LARGE1: variants seen among roughly 807,000 people sequenced by gnomAD.
The protein encoded by LARGE1 is xylosyl- and glucuronyltransferase LARGE1.
LARGE1 carries 43 observed loss-of-function variants against 87.6 expected under a neutral mutation model. The observed-to-expected ratio is 0.49, with a 90% CI of 0.38 to 0.63. LARGE1 has a LOEUF of 0.63. Ranked by LOEUF, LARGE1 falls within the 30% of genes least tolerant of loss-of-function variation. The pLI is 0.00. For missense variants in LARGE1, 802 were observed against 1,000.2 expected, an observed-to-expected ratio of 0.80 and a Z score of 2.67; for synonymous variants, 434 against 394.6, an observed-to-expected ratio of 1.10 and a Z score of -1.18.
At chr22:33,298,111 T>A (rs972863061) in intron 12 of LARGE1, among the ~76,000 whole-genome samples, 2 of 152,074 alleles carry the variant, frequency 1.3e-5, no homozygotes, top group Non-Finnish European at 2.9e-5. Flanking sequence ...AATGCCACGA[T>A]GTCTCACGTC....
intron 12 of LARGE1, among the ~76,000 whole-genome samples, chr22:33,302,046 G>T (rs536142623): frequency 6.6e-6 from 1 of 152,212 alleles, no homozygotes; most frequent in Admixed American, 6.5e-5. Context: ...AGGGGTGGAG[G>T]GTGGGCAGGG....
chr22:33,752,499 A>G (rs1358096977), intron 2 of LARGE1, among the ~76,000 whole-genome samples: 2 of 152,238 alleles, frequency 1.3e-5, no homozygotes, highest in Non-Finnish European at 2.9e-5. Flanking sequence ...TCAGTTACTG[A>G]TTAAACACCT....
chr22:33,653,401 G>A (rs558796300), intron 2 of LARGE1, among the ~76,000 whole-genome samples: 2 of 152,176 alleles, frequency 1.3e-5, no homozygotes, highest in East Asian at 1.9e-4. Context: ...AGGTAAAGAC[G>A]CTCAGGAGAC....
intron 6 of LARGE1, chr22:33,563,341 T>G (rs1362849220): frequency 6.6e-6 from 1 of 152,118 alleles, no homozygotes; most frequent in Non-Finnish European, 1.5e-5. Context: ...CTAGGAGAGG[T>G]GACAACTCTC....
At chr22:33,526,189 T>C (rs867086284) in intron 6 of LARGE1, among the ~76,000 whole-genome samples, 4 of 152,300 alleles carry the variant, frequency 2.6e-5, no homozygotes, top group Middle Eastern at 3.4e-3. Flanking sequence ...AAGATAGCAA[T>C]GTTTTACGAC....
At chr22:33,089,698 T>C in the LARGE1 span, among the ~76,000 whole-genome samples, 15 of 151,942 alleles carry the variant, frequency 9.9e-5, no homozygotes, top group African/African-American at 2.7e-4. Context: ...GGTCTCACTA[T>C]GTTGCCCAGG....
intron 11 of LARGE1, among the ~76,000 whole-genome samples, chr22:33,246,705 AG>A (rs1311910765): frequency 6.6e-6 from 1 of 152,268 alleles, no homozygotes; most frequent in East Asian, 1.9e-4. Flanking sequence ...ATGAATTTCC[AG>A]CACATATTGT....
chr22:33,652,482 C>T (rs919413682), intron 2 of LARGE1, among the ~76,000 whole-genome samples: 2 of 152,098 alleles, frequency 1.3e-5, no homozygotes, highest in Non-Finnish European at 1.5e-5. Context: ...ACAAGGCATA[C>T]CCAAAGCTAT....
intron 11 of LARGE1, among the ~76,000 whole-genome samples, chr22:33,313,769 A>G (rs913858482): frequency 1.3e-4 from 20 of 152,208 alleles, no homozygotes; most frequent in Admixed American, 6.5e-5. Context: ...TGTGGATGCC[A>G]ATCCCCAGAT....
chr22:33,822,217 C>T (rs961116561), intron 1 of LARGE1, among the ~76,000 whole-genome samples: 9 of 152,140 alleles, frequency 5.9e-5, no homozygotes, highest in Non-Finnish European at 1.3e-4. Flanking sequence ...CTACCCTATG[C>T]CATGGTTCCA....
intron 7 of LARGE1, among the ~76,000 whole-genome samples, chr22:33,384,685 T>C (rs1379803844): frequency 6.7e-6 from 1 of 148,568 alleles, no homozygotes; most frequent in African/African-American, 2.4e-5. Flanking sequence ...ACAGTGGTGG[T>C]GGCCGCACAA....
chr22:33,358,602 G>A (rs1311397635), intron 9 of LARGE1, among the ~76,000 whole-genome samples: 10 of 151,970 alleles, frequency 6.6e-5, no homozygotes, highest in Admixed American at 6.6e-4. Context: ...TTTTCTCTTG[G>A]TTTTTCTCTT....
intron 10 of LARGE1, among the ~76,000 whole-genome samples, chr22:33,335,500 C>T (rs1376503350): frequency 1.3e-5 from 2 of 152,166 alleles, no homozygotes; most frequent in African/African-American, 4.8e-5. Context: ...TCCACAGGTG[C>T]CCTTCCCTGC....
chr22:33,867,932 C>T (rs1487714545), intron 1 of LARGE1, among the ~76,000 whole-genome samples: 4 of 152,104 alleles, frequency 2.6e-5, no homozygotes. Flanking sequence ...ATCGGGGCCA[C>T]CTGGTCTACC....
chr22:33,695,257 C>T (rs1412819700), intron 2 of LARGE1, among the ~76,000 whole-genome samples: 2 of 151,956 alleles, frequency 1.3e-5, no homozygotes, highest in Non-Finnish European at 2.9e-5. Context: ...GCGCACGCCA[C>T]CATACCCTGC....
chr22:33,274,452 T>A lies in LARGE1; in HGVS notation c.2246A>T (p.Tyr749Phe). Residue 749 changes from tyrosine to phenylalanine, a missense_variant, in exon 15 of 15, where the codon TAT becomes TTT. This residue lies in a region of LARGE1 where 625 missense variants were observed against 841.9 expected (regional missense o/e 0.74). Coordinates refer to ENST00000397394, the MANE Select transcript of LARGE1 (RefSeq NM_133642.5). ...SRRYGFAALKYLTAENNS is the reference protein window; with the variant it reads ...SRRYGFAALKFLTAENNS Reference sequence around the variant, plus strand: ...CTAGCTGTTGTTCTCGGCTGTGAGATATTTCAGGGCAGCAAAGCCGTAGCG... The same window carrying A: ...CTAGCTGTTGTTCTCGGCTGTGAGAAATTTCAGGGCAGCAAAGCCGTAGCG... 1 of 1,614,254 alleles carries A rather than the reference T, an allele frequency of 6.2e-7. No homozygotes were observed. The highest frequency in any genetic ancestry group is 8.5e-7 in the Non-Finnish European group (1 of 1,180,044).
chr22:33,268,429 CT>C (rs71320968), downstream of LARGE1, among the ~76,000 whole-genome samples: 1,271 of 132,870 alleles, frequency 9.6e-3, 19 homozygotes, highest in African/African-American at 0.025. Flanking sequence ...TGTTAAAAAA[CT>C]TTTTTTTTTT....
chr22:33,823,145 A>G (rs930058438), intron 1 of LARGE1, among the ~76,000 whole-genome samples: 14 of 152,236 alleles, frequency 9.2e-5, no homozygotes, highest in African/African-American at 3.1e-4. Flanking sequence ...TAAATGATGT[A>G]TTAAAAAAGA....
At chr22:33,553,337 G>A (rs1192662389) in intron 6 of LARGE1, among the ~76,000 whole-genome samples, 1 of 146,390 alleles carries the variant, frequency 6.8e-6, no homozygotes, top group Non-Finnish European at 1.5e-5. Context: ...GAGACCCTGT[G>A]TCTGCAAAAA....
Sources: allele counts gnomAD v4.1 joint callset (sites outside exome capture counted in the v4.1 genomes callset), GRCh38; gene constraint gnomAD v4.1.1; regional missense constraint gnomAD v4.1.1; transcripts MANE v1.5; gene names NCBI Gene and HGNC (gene_info 2026-07-23, HGNC 2026-07-21).